Variants in ZNF57 observed in about 807,000 individuals in gnomAD.
ZNF57 encodes the protein zinc finger protein 57.
ZNF57 carries 11 observed loss-of-function variants against 13.4 expected under a neutral mutation model. The observed-to-expected ratio is 0.82, with a 90% CI of 0.52 to 1.36. The LOEUF is 1.36. ZNF57 is among the 40% of genes most tolerant of loss of function. ZNF57 has a pLI of 0.00. For missense variants in ZNF57, 696 were observed against 667.5 expected (o/e 1.04, Z -0.47); for synonymous variants, 224 against 238.5 (o/e 0.94, Z 0.56).
chr19:2,909,577 C>T (rs2144926132), intron 1 of ZNF57, among the ~76,000 whole-genome samples: 18 of 38,388 alleles, frequency 4.7e-4, no homozygotes, highest in Non-Finnish European at 6.9e-4. Flanking sequence ...TGGCCGGTAT[C>T]TTGTTTTAAT....
rs1431829129 is a variant in ZNF57, at chr19:2,917,368, C to A, written c.747C>A (p.Asp249Glu). Reference protein sequence around the residue: ...FTRHVRTHTKDRPYKCQECGR... With the variant: ...FTRHVRTHTKERPYKCQECGR... ...GACATGTGAGAACTCACACAAAAGA[C>A]AGGCCATATAAATGTCAGGAATGTG... The change falls in exon 4 of 4, where the codon GAC becomes GAA. Residue 249 changes from aspartate (D) to glutamate (E), a missense_variant. Physicochemically the swap from Asp to Glu is conservative, Grantham distance 45. This residue lies in a region of ZNF57 where 645 missense variants were observed against 591.5 expected (regional missense o/e 1.09). Transcript: ENST00000306908. 10 of 1,614,220 alleles carry A rather than the reference C, an allele frequency of 6.2e-6. No individual in the cohort carries two copies. Among genetic ancestry groups the A allele is most frequent in the Non-Finnish European group, 6.8e-6 (8 of 1,180,054 alleles).
At chr19:2,908,567 C>T (rs954235137) in intron 1 of ZNF57, among the ~76,000 whole-genome samples, 1 of 150,510 alleles carries the variant, frequency 6.6e-6, no homozygotes, top group African/African-American at 2.5e-5. Flanking sequence ...CTACAGGCAC[C>T]CGTCACCACG....
At position 2,918,286 on chromosome 19, in the gene ZNF57, C is replaced by G. The variant is rs1218925081; in HGVS notation, c.1665C>G (p.His555Gln). 6.3e-7 allele frequency: 1 copy of G among 1,586,744 alleles called. No homozygotes were observed. The highest frequency in any genetic ancestry group is 1.8e-5 in the Admixed American group (1 of 55,668). The change falls in exon 4 of 4, where the codon CAC (histidine) becomes CAG (glutamine). Residue 555 changes from histidine (H) to glutamine (Q), a missense_variant. Around this residue, in one of 3 missense-constraint regions of ZNF57, gnomAD observed 645 missense variants for 591.5 expected, o/e 1.09. Coordinates refer to ENST00000306908, the MANE Select transcript of ZNF57 (RefSeq NM_173480.3). ...TTTCTAAAACCAGTGAGAGCACACA[C>G]TAAAGAGAAATTCTATAACTTTAAT... is the stretch of plus-strand genomic sequence containing the variant. The part of the protein sequence containing the change: ...VILSKTSEST[H>Q]
chr19:2,903,465 G>A (rs2088046253), intron 1 of ZNF57, among the ~76,000 whole-genome samples: 1 of 152,050 alleles, frequency 6.6e-6, no homozygotes, highest in South Asian at 2.1e-4. Flanking sequence ...ACCCTCCTCC[G>A]CCTCCCAAAG....
chr19:2,912,869 C>T (rs1193982535), intron 1 of ZNF57, among the ~76,000 whole-genome samples: 1 of 152,082 alleles, frequency 6.6e-6, no homozygotes. Flanking sequence ...AGTGGTATCT[C>T]CTTTTTGTTT....
chr19:2,909,275 A>ATTTATTTTT (rs1341390463), intron 1 of ZNF57, among the ~76,000 whole-genome samples: 9 of 103,790 alleles, frequency 8.7e-5, no homozygotes, highest in Non-Finnish European at 1.2e-4. Context: ...TATTTTATTT[A>ATTTATTTTT]TTTTTGTTTT....
At chr19:2,901,419 G>A (rs886720972) in intron 1 of ZNF57, among the ~76,000 whole-genome samples, 4 of 152,252 alleles carry the variant, frequency 2.6e-5, no homozygotes, top group Admixed American at 6.5e-5. Flanking sequence ...ACCTGAGCAG[G>A]CTTAGTGTGA....
chr19:2,901,045 C>T lies in ZNF57; in HGVS notation c.-1C>T. The T allele has an allele frequency of 1.9e-6, 3 of 1,560,366 alleles. No homozygotes were observed. Among genetic ancestry groups the T allele is most frequent in the Non-Finnish European group, 2.6e-6 (3 of 1,151,660 alleles). On this transcript the variant is annotated 5_prime_UTR_variant, in exon 1 of 4. Coordinates refer to ENST00000306908, the MANE Select transcript of ZNF57 (RefSeq NM_173480.3). ...TTGGAGAGCCCAGGAGCAGGGGAGA[C>T]ATGGTGAGTGCGAGGCAGGAGCAGA...
At chr19:2,903,012 CG>C (rs1568178352) in intron 1 of ZNF57, among the ~76,000 whole-genome samples, 1 of 152,150 alleles carries the variant, frequency 6.6e-6, no homozygotes. Context: ...GAGGGTGCAG[CG>C]GGGTCTGGCT....
intron 1 of ZNF57, 101 bp downstream of exon 1, chr19:2,901,149 C>CGCGCGGGGCG: frequency 7.1e-7 from 1 of 1,406,280 alleles, no homozygotes; most frequent in Admixed American, 2.4e-5. Flanking sequence ...GGCTGAGGGA[C>CGCGCGGGGCG]GCGCGGGGCG....
intron 1 of ZNF57, 60 bp from the exon 2 acceptor site, chr19:2,915,462 C>T (rs765905847): frequency 3.4e-5 from 54 of 1,580,638 alleles, no homozygotes; most frequent in Non-Finnish European, 4.4e-5. Context: ...GAATTGAGTC[C>T]AGTTCCCCAG....
At position 2,917,577 on chromosome 19, in the gene ZNF57, G is replaced by C. The variant is rs2088219314; in HGVS notation, c.956G>C (p.Trp319Ser). The C allele has an allele frequency of 1.9e-6, 3 of 1,613,422 alleles. No homozygotes were observed. In the East Asian group the frequency reaches 6.7e-5, roughly 36 times the overall value. ...AAGCAGTGTGGGAAAACATTCAGTTGGTCTGAAACCTTGCGAGTCCACATG... is the reference window on the plus strand; with the variant it reads ...AAGCAGTGTGGGAAAACATTCAGTTCGTCTGAAACCTTGCGAGTCCACATG... ...ECKQCGKTFSWSETLRVHMRI... is the reference protein window; with the variant it reads ...ECKQCGKTFSSSETLRVHMRI... The change falls in exon 4 of 4, where the codon TGG (tryptophan) becomes TCG (serine). Residue 319 changes from tryptophan to serine, a missense_variant. Trp to Ser is a radical substitution (Grantham distance 177). This residue lies in a region of ZNF57 where 645 missense variants were observed against 591.5 expected (regional missense o/e 1.09). Coordinates refer to ENST00000306908, the MANE Select transcript of ZNF57 (RefSeq NM_173480.3).
In ZNF57 at chr19:2,902,968, T is replaced by G. The variant is rs181293394; in HGVS notation, c.3+1920T>G. Among the ~76,000 whole-genome samples the G allele has an allele frequency of 1.0e-3, 157 of 152,292 alleles. 1 individual carries two copies. The highest frequency in any genetic ancestry group is 3.7e-3 in the African/African-American group (153 of 41,568). On this transcript the variant is annotated intron_variant, in intron 1 of 3. Transcript: ENST00000306908. ...GAGCCCCAAGACCGGTGACTCCAGC[T>G]GAGCCCACAGTTGAGCCTGCACTGG...
chr19:2,917,049 C>T lies in ZNF57; in HGVS notation c.428C>T (p.Thr143Ile). The T allele has an allele frequency of 6.2e-7, 1 of 1,614,172 alleles. No individual in the cohort carries two copies. Among genetic ancestry groups the T allele is most frequent in the South Asian group, 1.1e-5 (1 of 91,078 alleles). Residue 143 changes from threonine to isoleucine, a missense_variant, in exon 4 of 4, where the codon ACC (threonine) becomes ATC (isoleucine). Thr to Ile is a moderately conservative substitution (Grantham distance 89). Transcript: ENST00000306908. ...VSAGEKPYEC[T>I]KCRTVFTHLS... is the part of the protein sequence containing the mutation. Reference sequence around the variant, plus strand: ...GCTGGAGAAAAACCATATGAATGCACCAAGTGCAGGACAGTCTTCACGCAT... The same window carrying T: ...GCTGGAGAAAAACCATATGAATGCATCAAGTGCAGGACAGTCTTCACGCAT...
Position 2,901,045 on chromosome 19 carries a change from C to G in ZNF57, c.-1C>G. Reference sequence around the variant, plus strand: ...TTGGAGAGCCCAGGAGCAGGGGAGACATGGTGAGTGCGAGGCAGGAGCAGA... The same window carrying G: ...TTGGAGAGCCCAGGAGCAGGGGAGAGATGGTGAGTGCGAGGCAGGAGCAGA... On this transcript the variant is annotated 5_prime_UTR_variant, in exon 1 of 4. Transcript: ENST00000306908. The G allele has an allele frequency of 6.4e-7, 1 of 1,560,366 alleles. No individual in the cohort carries two copies. Among genetic ancestry groups the G allele is most frequent in the Non-Finnish European group, 8.7e-7 (1 of 1,151,660 alleles).
chr19:2,912,481 G>A (rs751931875), intron 1 of ZNF57, among the ~76,000 whole-genome samples: 8 of 152,166 alleles, frequency 5.3e-5, no homozygotes, highest in Non-Finnish European at 8.8e-5. Context: ...TCTAAGTAAC[G>A]GTTCCCACAG....
chr19:2,902,292 C>T (rs1052608454), intron 1 of ZNF57, among the ~76,000 whole-genome samples: 1 of 152,090 alleles, frequency 6.6e-6, no homozygotes, highest in African/African-American at 2.4e-5. Context: ...AAGCTTTATT[C>T]GGGCAGCCGG....
At chr19:2,908,143 T>C (rs1481725098) in intron 1 of ZNF57, among the ~76,000 whole-genome samples, 2 of 152,258 alleles carry the variant, frequency 1.3e-5, no homozygotes, top group Non-Finnish European at 2.9e-5. Flanking sequence ...AGAAACATAA[T>C]GCAATTTCTT....
chr19:2,907,918 C>T (rs2088090680), intron 1 of ZNF57, among the ~76,000 whole-genome samples: 1 of 152,170 alleles, frequency 6.6e-6, no homozygotes, highest in South Asian at 2.1e-4. Flanking sequence ...CTCCTTATGT[C>T]GCCCAGGGTG....
Sources: gnomAD v4.1 joint callset for allele counts (sites outside exome capture counted in the v4.1 genomes callset) on GRCh38, gnomAD v4.1.1 for gene constraint, gnomAD v4.1.1 regional missense constraint, MANE v1.5 for transcripts, NCBI Gene and HGNC (gene_info 2026-07-23, HGNC 2026-07-21) for gene names.